ATG5: variants seen among roughly 807,000 people sequenced by gnomAD.
ATG5 encodes autophagy related 5, also known as autophagy protein 5.
Under a neutral mutation model 36.5 loss-of-function variants are expected in ATG5, and 14 were observed. The observed-to-expected ratio is 0.38, with a 90% confidence interval of 0.25 to 0.60. The LOEUF (loss-of-function observed/expected upper bound fraction) is 0.60, where lower values mean the gene tolerates loss of function less well. ATG5 is among the 20% of genes least tolerant of loss of function. The pLI is 0.60. For missense variants in ATG5, 195 were observed against 326.7 expected (o/e 0.60, Z 3.11); for synonymous variants, 95 against 101.5 (o/e 0.94, Z 0.38).
intron 5 of ATG5, among the ~76,000 whole-genome samples, chr6:106,253,512 CT>C (rs1778678948): frequency 6.6e-6 from 1 of 152,140 alleles, no homozygotes; most frequent in African/African-American, 2.4e-5. Flanking sequence ...ACATTTACTC[CT>C]TTACCCTACA....
intron 6 of ATG5, among the ~76,000 whole-genome samples, chr6:106,242,341 C>A (rs748671995): frequency 6.6e-6 from 1 of 152,012 alleles, no homozygotes; most frequent in Non-Finnish European, 1.5e-5. Context: ...TCATGATATG[C>A]GAAATAAGCC....
At chr6:106,292,775 A>C (rs2114630022) in intron 4 of ATG5, among the ~76,000 whole-genome samples, 1 of 152,212 alleles carries the variant, frequency 6.6e-6, no homozygotes, top group African/African-American at 2.4e-5. Flanking sequence ...TGGCCCAAAA[A>C]CTCGTAAATT....
At chr6:106,233,485 T>C (rs1235938691) in intron 6 of ATG5, among the ~76,000 whole-genome samples, 2 of 152,170 alleles carry the variant, frequency 1.3e-5, no homozygotes, top group African/African-American at 2.4e-5. Context: ...TTTCTTTACA[T>C]GTCACAGAAA....
chr6:106,251,974 G>C (rs1778610504), intron 5 of ATG5, among the ~76,000 whole-genome samples: 1 of 151,968 alleles, frequency 6.6e-6, no homozygotes, highest in South Asian at 2.1e-4. Context: ...CCAAGTAGCT[G>C]GGGTTATAGG....
chr6:106,195,205 T>C (rs1195050451), intron 7 of ATG5, among the ~76,000 whole-genome samples: 1 of 152,206 alleles, frequency 6.6e-6, no homozygotes, highest in Admixed American at 6.5e-5. Context: ...TATGATGAAA[T>C]CAGACAAAAT....
intron 7 of ATG5, 95 bp from the exon 8 acceptor site, chr6:106,186,771 G>A: frequency 1.4e-6 from 2 of 1,388,028 alleles, no homozygotes; most frequent in Non-Finnish European, 9.9e-7. Context: ...GCATTAAATG[G>A]ATTTTAAACA....
Position 106,251,329 on chromosome 6 carries a change from G to C in ATG5, c.479-3085C>G, listed in dbSNP as rs1033880676. The stretch of plus-strand genomic sequence containing the variant: ...AGCTGAATATACCTCCTCCAGTGAA[G>C]TCTGAGCCCTAGCCTTTGCAGGTGG... On this transcript the variant is annotated intron_variant, in intron 5 of 7. Coordinates refer to ENST00000369076, the MANE Select transcript of ATG5 (RefSeq NM_004849.4). Among the ~76,000 whole-genome samples, 57 of 152,074 alleles carry C rather than the reference G, an allele frequency of 3.7e-4. 1 individual carries two copies. The highest frequency in any genetic ancestry group is 1.6e-4 in the Non-Finnish European group (11 of 68,024).
intron 6 of ATG5, among the ~76,000 whole-genome samples, chr6:106,237,795 G>C (rs1777957789): frequency 6.6e-6 from 1 of 152,076 alleles, no homozygotes; most frequent in South Asian, 2.1e-4. Flanking sequence ...TAGTTGGTTA[G>C]GATTTCCTTA....
chr6:106,243,071 C>A (rs1378459143), intron 6 of ATG5, among the ~76,000 whole-genome samples: 1 of 152,186 alleles, frequency 6.6e-6, no homozygotes, highest in Non-Finnish European at 1.5e-5. Flanking sequence ...TCCCTGACAT[C>A]CTAGTTTCCA....
At chr6:106,284,492 G>C (rs1226612634) in intron 4 of ATG5, among the ~76,000 whole-genome samples, 1 of 152,046 alleles carries the variant, frequency 6.6e-6, no homozygotes, top group East Asian at 1.9e-4. Context: ...TGGGACTATA[G>C]GCACATGCCA....
At chr6:106,294,278 T>C (rs1172318231) in intron 3 of ATG5, among the ~76,000 whole-genome samples, 1 of 152,156 alleles carries the variant, frequency 6.6e-6, no homozygotes, top group Non-Finnish European at 1.5e-5. Context: ...ACACATCAAA[T>C]TTATCTCAAA....
chr6:106,251,960 C>T (rs774021980), intron 5 of ATG5, among the ~76,000 whole-genome samples: 2 of 152,004 alleles, frequency 1.3e-5, no homozygotes, highest in African/African-American at 2.4e-5. Flanking sequence ...CCCACCTCAG[C>T]CTCCCAAGTA....
At chr6:106,222,328 A>G (rs1777282662) in intron 6 of ATG5, among the ~76,000 whole-genome samples, 1 of 152,246 alleles carries the variant, frequency 6.6e-6, no homozygotes, top group Admixed American at 6.5e-5. Flanking sequence ...TACTACATGC[A>G]TGAGCATGGG....
At chr6:106,208,991 A>AC (rs1377619032) in intron 6 of ATG5, among the ~76,000 whole-genome samples, 2 of 152,210 alleles carry the variant, frequency 1.3e-5, no homozygotes, top group African/African-American at 2.4e-5. Context: ...ATCATTACAC[A>AC]CCTACCAAAA....
intron 5 of ATG5, among the ~76,000 whole-genome samples, chr6:106,271,064 T>C (rs142454539): frequency 1.9e-4 from 29 of 152,336 alleles, no homozygotes; most frequent in African/African-American, 7.0e-4. Flanking sequence ...TTATATCATA[T>C]TCTACATCTC....
At chr6:106,293,972 T>A (rs906604478) in intron 3 of ATG5, among the ~76,000 whole-genome samples, 2 of 152,198 alleles carry the variant, frequency 1.3e-5, no homozygotes, top group Non-Finnish European at 2.9e-5. Context: ...TTCAGCTTTT[T>A]TTTTTTTCTT....
At chr6:106,227,080 A>G (rs888479434) in intron 6 of ATG5, among the ~76,000 whole-genome samples, 1 of 151,832 alleles carries the variant, frequency 6.6e-6, no homozygotes, top group Non-Finnish European at 1.5e-5. Flanking sequence ...TGACCCCAAA[A>G]ATTAATCTAC....
At chr6:106,284,108 T>C (rs1303193374) in intron 4 of ATG5, among the ~76,000 whole-genome samples, 1 of 152,250 alleles carries the variant, frequency 6.6e-6, no homozygotes, top group Admixed American at 6.5e-5. Context: ...TTGCCTATTA[T>C]GAACATTCAT....
At chr6:106,187,636 CAG>C (rs1182064151) in intron 7 of ATG5, among the ~76,000 whole-genome samples, 1 of 152,066 alleles carries the variant, frequency 6.6e-6, no homozygotes, top group Non-Finnish European at 1.5e-5. Context: ...AACAAGGAAA[CAG>C]GGAATCAAGC....
Sources: allele counts gnomAD v4.1 joint callset (sites outside exome capture counted in the v4.1 genomes callset), GRCh38; gene constraint gnomAD v4.1.1; transcripts MANE v1.5; gene names NCBI Gene and HGNC (gene_info 2026-07-23, HGNC 2026-07-21).